Variants in WDR46 observed in about 807,000 individuals in gnomAD.
WDR46 encodes WD repeat domain 46, also known as WD repeat-containing protein 46.
In WDR46, 58 loss-of-function variants were observed where a neutral mutation model predicts 74.7. The observed-to-expected ratio is 0.78, with a 90% CI of 0.63 to 0.97. The LOEUF is 0.97. WDR46 is among the 50% of genes least tolerant of loss of function. WDR46 has a pLI of 0.00. For synonymous variants in WDR46, 278 were observed against 297.3 expected (o/e 0.93, Z 0.67); for missense variants, 702 against 790.1 (o/e 0.89, Z 1.34).
At chr6:33,281,088 T>G in intron 10 of WDR46, 101 bp from the exon 11 acceptor site, 5 of 1,231,790 alleles carry the variant, frequency 4.1e-6, no homozygotes, top group Non-Finnish European at 5.6e-6. Context: ...AGAAAAAGAT[T>G]AATAGTAATA....
At chr6:33,287,007 G>A (rs1766709660) in intron 9 of WDR46, 84 bp downstream of exon 9, 44 of 1,584,078 alleles carry the variant, frequency 2.8e-5, no homozygotes, top group Non-Finnish European at 3.7e-5. Flanking sequence ...AAATAAAAGG[G>A]TAACTTTAAG....
chr6:33,288,771 C>G (rs1766964280), intron 2 of WDR46, 33 bp downstream of exon 2: 3 of 1,613,290 alleles, frequency 1.9e-6, no homozygotes, highest in Middle Eastern at 1.6e-4. Flanking sequence ...AACGAGGCGG[C>G]CTGCCTCGCC....
At position 33,279,389 on chromosome 6, in the gene WDR46, CG is replaced by C; in HGVS notation, c.1735-16del. 1.2e-6 allele frequency: 2 copies of C among 1,613,144 alleles called. No individual in the cohort carries two copies. ...CGGACCTTGTCCTGGGGACCGGAGA[CG>C]GGGAGGACACAGGCACAGAGTGAGA... is the stretch of plus-strand genomic sequence containing the variant. On this transcript the variant is annotated splice_polypyrimidine_tract_variant and intron_variant, in intron 14 of 14. Coordinates refer to ENST00000374617, the MANE Select transcript of WDR46 (RefSeq NM_005452.6).
intron 5 of WDR46, 56 bp from the exon 6 acceptor site, chr6:33,288,082 C>G: frequency 1.2e-6 from 2 of 1,613,664 alleles, no homozygotes; most frequent in Non-Finnish European, 1.7e-6. Context: ...CTTCTTCTAG[C>G]CCCCATTCCT....
At chr6:33,280,272 C>A (rs141294422) in intron 12 of WDR46, among the ~76,000 whole-genome samples, 156 bp downstream of exon 12, 122 of 139,470 alleles carry the variant, frequency 8.7e-4, no homozygotes, top group African/African-American at 2.2e-3. Context: ...CAGGGGGGAA[C>A]CTGACCTTCT....
At chr6:33,283,878 A>G (rs1019697563) in intron 10 of WDR46, among the ~76,000 whole-genome samples, 2 of 152,140 alleles carry the variant, frequency 1.3e-5, no homozygotes, top group African/African-American at 4.8e-5. Flanking sequence ...AGCCTGGGTG[A>G]TAGATCAAGA....
At position 33,286,910 on chromosome 6, in the gene WDR46, A is replaced by G. The variant is rs1198862434; in HGVS notation, c.1016-16T>C. On this transcript the variant is annotated splice_polypyrimidine_tract_variant and intron_variant, in intron 9 of 14. Coordinates refer to ENST00000374617, the MANE Select transcript of WDR46 (RefSeq NM_005452.6). ...GACACAGTACCTGGAAGAGAAGAAGAACCAAAGTTGCTAATACACACCTAA... is the reference window on the plus strand; with the variant it reads ...GACACAGTACCTGGAAGAGAAGAAGGACCAAAGTTGCTAATACACACCTAA... 6.2e-7 allele frequency: 1 copy of G among 1,613,658 alleles called. No homozygotes were observed. The highest frequency in any genetic ancestry group is 8.5e-7 in the Non-Finnish European group (1 of 1,179,766).
chr6:33,285,208 A>AT (rs377303694), intron 10 of WDR46, among the ~76,000 whole-genome samples: 11 of 150,444 alleles, frequency 7.3e-5, no homozygotes, highest in Admixed American at 2.6e-4. Flanking sequence ...GATTATTATT[A>AT]TTTTTTTTTT....
Position 33,280,524 on chromosome 6 carries a change from T to G in WDR46, c.1430-2A>C. 6.2e-7 allele frequency: 1 copy of G among 1,600,998 alleles called. No individual in the cohort carries two copies. The highest frequency in any genetic ancestry group is 1.1e-5 in the South Asian group (1 of 89,298). On this transcript the variant is annotated splice_acceptor_variant, in intron 11 of 14. Coordinates refer to ENST00000374617, the MANE Select transcript of WDR46 (RefSeq NM_005452.6). LOFTEE classifies it high-confidence loss of function. ...CATCGAAGTTGGGCTCACCGGCCCCTGAAGGGAGGGAGGGAGAAGCATGGA... is the reference window on the plus strand; with the variant it reads ...CATCGAAGTTGGGCTCACCGGCCCCGGAAGGGAGGGAGGGAGAAGCATGGA...
At chr6:33,280,364 CG>C (rs1416396039) in intron 12 of WDR46, 63 bp downstream of exon 12, 1 of 1,513,402 alleles carries the variant, frequency 6.6e-7, no homozygotes. Context: ...CTCTCCAGGA[CG>C]GGGGAACCTG....
intron 5 of WDR46, 27 bp from the exon 6 acceptor site, chr6:33,288,053 G>C (rs534363139): frequency 1.2e-6 from 2 of 1,614,006 alleles, no homozygotes; most frequent in Admixed American, 1.7e-5. Flanking sequence ...TGAAAAAAAA[G>C]AGTGCCCTGC....
intron 10 of WDR46, among the ~76,000 whole-genome samples, chr6:33,283,591 C>G (rs1295740012): frequency 5.3e-5 from 8 of 152,120 alleles, no homozygotes. Flanking sequence ...CAGAGGATAA[C>G]TGTGTAGAAA....
intron 9 of WDR46, 46 bp from the exon 10 acceptor site, chr6:33,286,940 G>A: frequency 6.2e-7 from 1 of 1,604,382 alleles, no homozygotes; most frequent in Non-Finnish European, 8.5e-7. Context: ...ACCTAAGCCT[G>A]AGGTTACTAA....
rs1765943246 is a variant in WDR46 at position 33,279,589 on chromosome 6, C to T, written c.1642G>A (p.Ala548Thr). 1.2e-6 allele frequency: 2 copies of T among 1,614,044 alleles called. No individual in the cohort carries two copies. Among genetic ancestry groups the T allele is most frequent in the South Asian group, 1.1e-5 (1 of 91,076 alleles). Reference protein sequence around the residue: ...ERLGYDPQAKAPFQPKPKQKG... With the variant: ...ERLGYDPQAKTPFQPKPKQKG... ...TGCTTTGGCTTTGGCTGGAAGGGAGCCTTAGCCTGCGGGTCATAGCCCTGA... is the reference window on the plus strand; with the variant it reads ...TGCTTTGGCTTTGGCTGGAAGGGAGTCTTAGCCTGCGGGTCATAGCCCTGA... The change falls in exon 14 of 15, where the codon GCT becomes ACT. Residue 548 changes from alanine to threonine, a missense_variant. Transcript: ENST00000374617.
At position 33,286,861 on chromosome 6, in the gene WDR46, T is replaced by A; in HGVS notation, c.1049A>T (p.Glu350Val). ...ATGACAGAGAATCTTTGCCAGTGGC[T>A]CCTTCATAGCTGGACTCCATAAAGA... ...TVSLWSPAMK[E>V]PLAKILCHRG... Residue 350 changes from glutamate to valine, a missense_variant, in exon 10 of 15, where the codon GAG becomes GTG. Glu to Val is a moderately radical substitution (Grantham distance 121). Transcript: ENST00000374617. 1 of 1,614,086 alleles carries A rather than the reference T, an allele frequency of 6.2e-7. No homozygotes were observed. Among genetic ancestry groups the A allele is most frequent in the East Asian group, 2.2e-5 (1 of 44,870 alleles).
Position 33,279,308 on chromosome 6 carries a change from G to A in WDR46, c.1801C>T (p.Arg601Trp), listed in dbSNP as rs141695400. The A allele has an allele frequency of 5.1e-5, 83 of 1,614,082 alleles. No homozygotes were observed. Among genetic ancestry groups the A allele is most frequent in the Non-Finnish European group, 6.4e-5 (76 of 1,180,050 alleles). The change falls in exon 15 of 15, where the codon CGG (arginine) becomes TGG (tryptophan). Residue 601 changes from arginine (R) to tryptophan (W), a missense_variant. Transcript: ENST00000374617. ...ACAAATCTGTCCAGGGCAGATGGCC[G>A]GGCCCCCGTGGGCTTGGCCTTCGCC... ...KEAKAKPTGA[R>W]PSALDRFVR is the part of the protein sequence containing the mutation.
At chr6:33,281,323 G>T (rs1216052845) in intron 10 of WDR46, among the ~76,000 whole-genome samples, 1 of 152,158 alleles carries the variant, frequency 6.6e-6, no homozygotes, top group Non-Finnish European at 1.5e-5. Flanking sequence ...CCACACGACA[G>T]GCTGCACCCA....
At chr6:33,287,018 G>A in intron 9 of WDR46, 73 bp downstream of exon 9, 1 of 1,589,534 alleles carries the variant, frequency 6.3e-7, no homozygotes, top group Non-Finnish European at 8.6e-7. Flanking sequence ...TAACTTTAAG[G>A]GACTCATGAA....
rs770423969 is a variant in WDR46 at position 33,279,501 on chromosome 6, T to C, written c.1730A>G (p.His577Arg). The C allele has an allele frequency of 1.2e-6, 2 of 1,613,048 alleles. No individual in the cohort carries two copies. The highest frequency in any genetic ancestry group is 1.7e-6 in the Non-Finnish European group (2 of 1,180,038). Residue 577 changes from histidine to arginine, a missense_variant, in exon 14 of 15, where the codon CAC becomes CGC. By Grantham distance (29) the His-to-Arg change is conservative (BLOSUM62 0). Transcript: ENST00000374617. ...KRKRKVMDEE[H>R]RDKVRQSLQQ... is the part of the protein sequence containing the mutation. ...CCCATGCCAATGCTCATTTACCCTGTGTTCCTCATCCATGACCTTCCTCTT... is the reference window on the plus strand; with the variant it reads ...CCCATGCCAATGCTCATTTACCCTGCGTTCCTCATCCATGACCTTCCTCTT...
Sources: allele counts gnomAD v4.1 joint callset (sites outside exome capture counted in the v4.1 genomes callset), GRCh38; gene constraint gnomAD v4.1.1; transcripts MANE v1.5; gene names NCBI Gene and HGNC (gene_info 2026-07-23, HGNC 2026-07-21).